MCMBP: variants seen among roughly 807,000 people sequenced by gnomAD.
The protein encoded by MCMBP is minichromosome maintenance complex binding protein, also known as mini-chromosome maintenance complex-binding protein.
In MCMBP, 31 loss-of-function variants were observed where a neutral mutation model predicts 81.3. The observed-to-expected ratio is 0.38, with a 90% confidence interval of 0.29 to 0.51. The LOEUF is 0.51. Among genes scored for constraint, MCMBP ranks in the 20% least tolerant of loss-of-function variants. MCMBP has a pLI of 0.87. For synonymous variants in MCMBP, 267 were observed against 275.9 expected (o/e 0.97, Z 0.32); for missense variants, 645 against 772.1 (o/e 0.84, Z 1.95).
upstream of MCMBP, among the ~76,000 whole-genome samples, chr10:119,873,040 A>C (rs901479914): frequency 6.6e-6 from 1 of 151,504 alleles, no homozygotes; most frequent in Admixed American, 6.6e-5. Flanking sequence ...GGGCCCGGCG[A>C]CGCGCTCCAA....
chr10:119,864,106 A>G (rs771841248), intron 1 of MCMBP, among the ~76,000 whole-genome samples: 6 of 152,188 alleles, frequency 3.9e-5, no homozygotes, highest in African/African-American at 9.7e-5. Flanking sequence ...TGTGAGAACA[A>G]CTCGACTTGT....
At chr10:119,872,428 T>A (rs1853719188) in intron 1 of MCMBP, 99 bp downstream of exon 1, 1 of 691,918 alleles carries the variant, frequency 1.4e-6, no homozygotes, top group African/African-American at 1.9e-5. Flanking sequence ...ACGCGAGCCC[T>A]CGAGATGGTA....
intron 6 of MCMBP, among the ~76,000 whole-genome samples, chr10:119,852,673 T>C (rs1852875684): frequency 6.6e-6 from 1 of 152,192 alleles, no homozygotes; most frequent in Non-Finnish European, 1.5e-5. Flanking sequence ...AGTGAAACCC[T>C]GTCTCAAAAC....
At chr10:119,863,678 G>C (rs1853342645) in intron 1 of MCMBP, among the ~76,000 whole-genome samples, 1 of 94,328 alleles carries the variant, frequency 1.1e-5, no homozygotes, top group South Asian at 3.9e-4. Flanking sequence ...TCAGTGAGCT[G>C]AGATCGCACC....
intron 13 of MCMBP, 126 bp from the exon 14 acceptor site, chr10:119,835,830 G>A (rs1852220976): frequency 9.8e-7 from 1 of 1,024,798 alleles, no homozygotes. Flanking sequence ...TTTAGGGGGA[G>A]GGAATAATGT....
intron 4 of MCMBP, among the ~76,000 whole-genome samples, chr10:119,858,452 G>A (rs1228266721): frequency 6.7e-6 from 1 of 150,342 alleles, no homozygotes; most frequent in Non-Finnish European, 1.5e-5. Flanking sequence ...CTTTCCTAGG[G>A]AATAATATAT....
At chr10:119,835,313 A>G (rs1008771124) in intron 14 of MCMBP, among the ~76,000 whole-genome samples, 1 of 152,218 alleles carries the variant, frequency 6.6e-6, no homozygotes, top group Admixed American at 6.5e-5. Flanking sequence ...TTATCCCCCA[A>G]AGACAACTAC....
At chr10:119,861,778 T>C (rs61869098) in intron 1 of MCMBP, among the ~76,000 whole-genome samples, 16,204 of 152,196 alleles carry the variant, frequency 0.11, 906 homozygotes, top group South Asian at 0.16. Context: ...TGTTGCTTTG[T>C]CACCCAGGAT....
chr10:119,838,567 G>A lies in MCMBP; in HGVS notation c.1376C>T (p.Thr459Ile). Residue 459 changes from threonine to isoleucine, a missense_variant, in exon 12 of 16, where the codon ACT becomes ATT. Thr to Ile is a moderately conservative substitution (Grantham distance 89). Transcript: ENST00000369077. ...PSNTSLVIDE[T>I]LLEQGQLDTP... ...ATCCAGCTGCCCCTGTTCCAGGAGA[G>A]TCTCATCGATTACAAGGGAAGTATT... 4 of 1,614,142 alleles carry A rather than the reference G, an allele frequency of 2.5e-6. No individual in the cohort carries two copies. The highest frequency in any genetic ancestry group is 3.4e-6 in the Non-Finnish European group (4 of 1,180,008).
At chr10:119,851,520 C>T (rs1036675336) in intron 6 of MCMBP, among the ~76,000 whole-genome samples, 2 of 152,038 alleles carry the variant, frequency 1.3e-5, no homozygotes, top group Non-Finnish European at 2.9e-5. Context: ...CAACCTCCGC[C>T]CCTCTGGGTT....
At chr10:119,831,929 T>G (rs2134329564) in intron 15 of MCMBP, 83 bp downstream of exon 15, 3 of 1,329,820 alleles carry the variant, frequency 2.3e-6, no homozygotes, top group East Asian at 2.3e-5. Flanking sequence ...GTTTTTAGAA[T>G]TCTGCCTCAG....
At chr10:119,871,722 G>A (rs556928623) in intron 1 of MCMBP, among the ~76,000 whole-genome samples, 1 of 152,230 alleles carries the variant, frequency 6.6e-6, no homozygotes, top group African/African-American at 2.4e-5. Flanking sequence ...TTTCTAGCTG[G>A]ATCTGACTCC....
intron 14 of MCMBP, among the ~76,000 whole-genome samples, chr10:119,833,523 A>G (rs1181012990): frequency 6.6e-6 from 1 of 151,828 alleles, no homozygotes; most frequent in Non-Finnish European, 1.5e-5. Context: ...ACAAAAAAAC[A>G]AAACTTTAGT....
chr10:119,844,475 T>C (rs962330399), intron 8 of MCMBP, among the ~76,000 whole-genome samples: 20 of 152,214 alleles, frequency 1.3e-4, no homozygotes, highest in African/African-American at 4.8e-4. Flanking sequence ...CATCTACCCT[T>C]ATTTACAATG....
intron 1 of MCMBP, 45 bp downstream of exon 1, chr10:119,872,482 A>C (rs1853723328): frequency 4.4e-6 from 5 of 1,140,930 alleles, no homozygotes; most frequent in Non-Finnish European, 4.4e-6. Flanking sequence ...GGGGCCCGGC[A>C]AACTCGGCTG....
In MCMBP at chr10:119,847,656, G is replaced by T; in HGVS notation, c.784C>A (p.Leu262Met). 6.2e-7 allele frequency: 1 copy of T among 1,611,872 alleles called. No individual in the cohort carries two copies. The highest frequency in any genetic ancestry group is 8.5e-7 in the Non-Finnish European group (1 of 1,178,932). The change falls in exon 8 of 16, where the codon CTG becomes ATG. Residue 262 changes from leucine to methionine, a missense_variant. Transcript: ENST00000369077. ...ATACTCAGCACAGGATCCACAGACA[G>T]TATGCCATATAGCTCAAGAATGTCA... The part of the protein sequence containing the change: ...VNDILELYGI[L>M]SVDPVLSILN...
intron 2 of MCMBP, 64 bp downstream of exon 2, chr10:119,859,735 A>T: frequency 2.0e-6 from 2 of 986,162 alleles, no homozygotes; most frequent in Non-Finnish European, 3.1e-6. Context: ...TTACTTAGTT[A>T]CTCTACTAAG....
At chr10:119,835,954 A>C (rs1274150174) in intron 13 of MCMBP, among the ~76,000 whole-genome samples, 4 of 152,028 alleles carry the variant, frequency 2.6e-5, no homozygotes, top group Non-Finnish European at 4.4e-5. Flanking sequence ...CTCCCACCTC[A>C]GCCTCCTCAG....
chr10:119,853,798 T>C (rs61869094), intron 5 of MCMBP, among the ~76,000 whole-genome samples: 16,516 of 152,244 alleles, frequency 0.11, 954 homozygotes, highest in South Asian at 0.17. Context: ...AGTATAATAC[T>C]ATAATGGACC....
Sources: allele counts gnomAD v4.1 joint callset (sites outside exome capture counted in the v4.1 genomes callset), GRCh38; gene constraint gnomAD v4.1.1; transcripts MANE v1.5; gene names NCBI Gene and HGNC (gene_info 2026-07-23, HGNC 2026-07-21).